The following RPS6KA2 variants were observed in gnomAD, a reference collection of about 807,000 sequenced individuals.
The protein encoded by RPS6KA2 is ribosomal protein S6 kinase alpha-2.
Under a neutral mutation model 91.8 loss-of-function variants are expected in RPS6KA2, and 42 were observed. The ratio of observed to expected loss-of-function variants is 0.46; its 90% CI spans 0.36 to 0.59. The LOEUF is 0.59. Ranked by LOEUF, RPS6KA2 falls within the 20% of genes least tolerant of loss-of-function variation. The probability of loss-of-function intolerance (pLI) is 0.00; values close to 1 mark genes in which losing one functional copy is unlikely to be tolerated. For missense variants in RPS6KA2, 798 were observed against 978.5 expected, an observed-to-expected ratio of 0.82 and a Z score of 2.46; for synonymous variants, 414 against 393.6, an observed-to-expected ratio of 1.05 and a Z score of -0.61.
At chr6:166,611,836 G>A (rs986979810) in intron 1 of RPS6KA2, among the ~76,000 whole-genome samples, 2 of 152,120 alleles carry the variant, frequency 1.3e-5, no homozygotes, top group Non-Finnish European at 2.9e-5. Context: ...GGGATCTCAG[G>A]TTACATCCTA....
intron 2 of RPS6KA2, among the ~76,000 whole-genome samples, chr6:166,709,178 C>G (rs960984459): frequency 6.6e-6 from 1 of 152,164 alleles, no homozygotes; most frequent in African/African-American, 2.4e-5. Flanking sequence ...CTTCCCTCAC[C>G]GGTTGTCATA....
intron 1 of RPS6KA2, among the ~76,000 whole-genome samples, chr6:166,555,630 G>C (rs571324744): frequency 2.3e-4 from 35 of 152,066 alleles, no homozygotes; most frequent in African/African-American, 7.5e-4. Context: ...CTCTTTCTCT[G>C]CTGCAACCCA....
rs1019816920 is a variant in RPS6KA2, at chr6:166,821,638, T to C, written c.123+36562A>G. ...CCCCCTCACTTATTCCCTTTCACTA[T>C]TGCTGTGCCCCAGATTTCCACTCGG... On this transcript the variant is annotated intron_variant, in intron 2 of 21. Coordinates refer to the RPS6KA2 transcript ENST00000503859. This position sits in a 1 kb window ranked among gnomAD's most constrained non-coding sequence, Gnocchi z 4.1. Among the ~76,000 whole-genome samples the C allele has an allele frequency of 1.3e-5, 2 of 152,142 alleles. No individual in the cohort carries two copies. The highest frequency in any genetic ancestry group is 1.3e-4 in the Admixed American group (2 of 15,276).
intron 13 of RPS6KA2, among the ~76,000 whole-genome samples, chr6:166,449,884 T>C (rs375005328): frequency 1.5e-4 from 19 of 128,362 alleles, no homozygotes; most frequent in Admixed American, 2.5e-4. Context: ...CGGACCACCA[T>C]GGGACAACCA....
intron 1 of RPS6KA2, among the ~76,000 whole-genome samples, chr6:166,623,564 G>A (rs530907599): frequency 3.3e-5 from 5 of 152,314 alleles, no homozygotes; most frequent in African/African-American, 9.6e-5. Context: ...GCCAGGTGAC[G>A]GTAACTCCAG....
At chr6:166,475,820 G>A in intron 10 of RPS6KA2, 1 of 528,576 alleles carries the variant, frequency 1.9e-6, no homozygotes, top group Non-Finnish European at 3.9e-6. Flanking sequence ...TCACACGGGG[G>A]CAGAGGGCCG....
chr6:166,845,177 A>T (rs556782580), intron 2 of RPS6KA2, among the ~76,000 whole-genome samples: 2 of 152,198 alleles, frequency 1.3e-5, no homozygotes, highest in Admixed American at 6.5e-5. Context: ...TCCTAAATAT[A>T]TATGCACCTA....
intron 2 of RPS6KA2, among the ~76,000 whole-genome samples, chr6:166,668,991 A>G (rs1458903899): frequency 6.6e-6 from 1 of 151,466 alleles, no homozygotes; most frequent in Admixed American, 6.6e-5. Flanking sequence ...CCCAGGCTCA[A>G]GTGATCCTCC....
intron 2 of RPS6KA2, among the ~76,000 whole-genome samples, chr6:166,703,981 T>C (rs1789607311): frequency 6.6e-6 from 1 of 152,256 alleles, no homozygotes; most frequent in Non-Finnish European, 1.5e-5. Flanking sequence ...AGCTGCTGTC[T>C]TCAGAAGAGC....
intron 2 of RPS6KA2, among the ~76,000 whole-genome samples, chr6:166,699,253 A>G (rs1167794968): frequency 6.6e-6 from 1 of 152,192 alleles, no homozygotes; most frequent in African/African-American, 2.4e-5. Flanking sequence ...GGGCAAAGAG[A>G]GAGCAAATTG....
chr6:166,528,313 T>A (rs545446167), intron 3 of RPS6KA2, among the ~76,000 whole-genome samples: 1 of 152,232 alleles, frequency 6.6e-6, no homozygotes, highest in African/African-American at 2.4e-5. Flanking sequence ...AAACAAGAAA[T>A]GGGGAAAGGA....
intron 2 of RPS6KA2, among the ~76,000 whole-genome samples, chr6:166,658,820 C>T (rs996924419): frequency 1.3e-5 from 2 of 152,200 alleles, no homozygotes; most frequent in Non-Finnish European, 2.9e-5. Context: ...CTCCGTGTTC[C>T]TCAACGGCAT....
intron 2 of RPS6KA2, among the ~76,000 whole-genome samples, chr6:166,773,819 A>C (rs577289733): frequency 6.6e-6 from 1 of 152,310 alleles, no homozygotes; most frequent in South Asian, 2.1e-4. Context: ...ACCAGGAAGA[A>C]AAAAAAACTA....
chr6:166,643,393 A>G (rs2128550948), intron 2 of RPS6KA2, among the ~76,000 whole-genome samples: 1 of 152,382 alleles, frequency 6.6e-6, no homozygotes, highest in East Asian at 1.9e-4. Flanking sequence ...AAATAGATAC[A>G]TCATGCAAAA....
chr6:166,829,446 C>A (rs1780123828), intron 2 of RPS6KA2, among the ~76,000 whole-genome samples: 1 of 151,854 alleles, frequency 6.6e-6, no homozygotes, highest in Non-Finnish European at 1.5e-5. Flanking sequence ...AAAAAATTAG[C>A]CGGGTATGGT....
At chr6:166,449,806 ACCACCATGGGAACCACCACAG>A (rs1423790815) in intron 13 of RPS6KA2, among the ~76,000 whole-genome samples, 1 of 147,180 alleles carries the variant, frequency 6.8e-6, no homozygotes, top group African/African-American at 2.6e-5. Flanking sequence ...CACCACGGGG[ACCACCATGGGAACCACCACAG>A]GGACCACCAC....
intron 3 of RPS6KA2, among the ~76,000 whole-genome samples, chr6:166,521,962 C>A (rs1782871723): frequency 6.6e-6 from 1 of 152,148 alleles, no homozygotes; most frequent in Non-Finnish European, 1.5e-5. Flanking sequence ...AGAAATGAGA[C>A]CCCAGAGAGC....
Position 166,477,992 on chromosome 6 carries a change from T to C in RPS6KA2, c.908-8087A>G, listed in dbSNP as rs1054261659. ...AATAGATCTGAATTGTTGGCTCTCATGTACGTTTGGATGAATAAATACGTC... is the reference window on the plus strand; with the variant it reads ...AATAGATCTGAATTGTTGGCTCTCACGTACGTTTGGATGAATAAATACGTC... On this transcript the variant is annotated intron_variant, in intron 10 of 20. Transcript: ENST00000265678. Among the ~76,000 whole-genome samples, 4 of 152,352 alleles carry C rather than the reference T, an allele frequency of 2.6e-5. No individual in the cohort carries two copies. The East Asian group carries it at 5.8e-4, about 22-fold the overall frequency.
At chr6:166,440,016 C>T (rs1172621140) in intron 14 of RPS6KA2, 1 of 152,260 alleles carries the variant, frequency 6.6e-6, no homozygotes, top group East Asian at 1.9e-4. Context: ...TCTCAGCCCC[C>T]AGAGCCCGCG....
Sources: allele counts gnomAD v4.1 joint callset (sites outside exome capture counted in the v4.1 genomes callset), GRCh38; gene constraint gnomAD v4.1.1; non-coding constraint Gnocchi (gnomAD v3.1); transcripts MANE v1.5; gene names NCBI Gene and HGNC (gene_info 2026-07-23, HGNC 2026-07-21).